The following CLIP1 variants were observed in gnomAD, a reference collection of about 807,000 sequenced individuals.
CLIP1 encodes CAP-Gly domain-containing linker protein 1.
A neutral mutation model predicts 161.6 loss-of-function variants in CLIP1; 66 were observed. That is an observed-to-expected ratio of 0.41 (90% CI 0.33 to 0.50). The LOEUF is 0.50. Ranked by LOEUF, CLIP1 falls within the 20% of genes least tolerant of loss-of-function variation. The pLI, the probability that CLIP1 is intolerant of heterozygous loss-of-function variation, is 0.27. For synonymous variants in CLIP1, 598 were observed against 626.2 expected, an observed-to-expected ratio of 0.96 and a Z score of 0.67; for missense variants, 1,376 against 1,702.0, an observed-to-expected ratio of 0.81 and a Z score of 3.37.
intron 1 of CLIP1, among the ~76,000 whole-genome samples, chr12:122,398,080 A>G (rs1450430137): frequency 6.6e-6 from 1 of 152,160 alleles, no homozygotes; most frequent in African/African-American, 2.4e-5. Flanking sequence ...AACTTTGCTT[A>G]GAGCTTTGAA....
chr12:122,278,553 G>A, intron 23 of CLIP1: 2 of 523,376 alleles, frequency 3.8e-6, no homozygotes, highest in Non-Finnish European at 6.7e-6. Context: ...CCCCCAGTCT[G>A]GATGGCAGCA....
intron 3 of CLIP1, among the ~76,000 whole-genome samples, chr12:122,372,449 G>A (rs1375861774): frequency 6.6e-6 from 1 of 151,652 alleles, no homozygotes; most frequent in Non-Finnish European, 1.5e-5. Context: ...GGGTGTGGTG[G>A]TGGGTGCCTG....
intron 17 of CLIP1, among the ~76,000 whole-genome samples, chr12:122,326,460 G>A (rs527580354): frequency 1.3e-5 from 2 of 152,316 alleles, no homozygotes; most frequent in Admixed American, 1.3e-4. Context: ...CAGGTGGATC[G>A]CTTGCATCCA....
At chr12:122,390,283 T>C (rs11608593) in intron 1 of CLIP1, among the ~76,000 whole-genome samples, 13,738 of 73,824 alleles carry the variant, frequency 0.19, 2,336 homozygotes, top group African/African-American at 0.42. Flanking sequence ...TATATACATA[T>C]ATATATATAT....
intron 1 of CLIP1, among the ~76,000 whole-genome samples, chr12:122,414,693 T>G (rs1956663742): frequency 1.3e-5 from 2 of 151,670 alleles, no homozygotes; most frequent in African/African-American, 4.8e-5. Context: ...CTTGATCTCT[T>G]GACCTTGTGA....
chr12:122,296,583 G>A (rs1252176849), intron 20 of CLIP1, among the ~76,000 whole-genome samples: 2 of 151,904 alleles, frequency 1.3e-5, no homozygotes, highest in Non-Finnish European at 2.9e-5. Flanking sequence ...TATTACAAAT[G>A]TATTATATTT....
At position 122,341,104 on chromosome 12, in the gene CLIP1, C is replaced by A. The variant is rs756053932; in HGVS notation, c.2100G>T (p.Met700Ile). ...KEMEALRAKL[M>I]KVIKEKENSL... Reference sequence around the variant, plus strand: ...TGTTTTCCTTTTCTTTAATAACTTTCATCAGTTTAGCCCTCAAGGCTTCCA... The same window carrying A: ...TGTTTTCCTTTTCTTTAATAACTTTAATCAGTTTAGCCCTCAAGGCTTCCA... The change falls in exon 11 of 26, where the codon ATG becomes ATT. Residue 700 changes from methionine to isoleucine, a missense_variant. Coordinates refer to ENST00000620786, the MANE Select transcript of CLIP1 (RefSeq NM_001247997.2). The A allele has an allele frequency of 1.2e-6, 2 of 1,613,858 alleles. No individual in the cohort carries two copies. The highest frequency in any genetic ancestry group is 2.2e-5 in the South Asian group (2 of 91,042).
chr12:122,300,075 T>C (rs1025454183), intron 20 of CLIP1, among the ~76,000 whole-genome samples: 5 of 152,154 alleles, frequency 3.3e-5, no homozygotes, highest in Non-Finnish European at 7.4e-5. Context: ...CTGGGCATCA[T>C]AGCGAGACCC....
At chr12:122,412,958 A>G (rs533259281) in intron 1 of CLIP1, among the ~76,000 whole-genome samples, 1 of 152,318 alleles carries the variant, frequency 6.6e-6, no homozygotes, top group South Asian at 2.1e-4. Context: ...CAAGCTACGT[A>G]TCCCTTTCAA....
intron 17 of CLIP1, among the ~76,000 whole-genome samples, chr12:122,321,018 T>TTAAATAAATAAATAAA (rs56780235): frequency 4.1e-5 from 6 of 144,982 alleles, no homozygotes; most frequent in African/African-American, 1.3e-4. Context: ...AGACTCTGTC[T>TTAAATAAATAAATAAA]TAAATAAATA....
intron 1 of CLIP1, among the ~76,000 whole-genome samples, chr12:122,390,120 T>C (rs1955530841): frequency 6.9e-6 from 1 of 144,786 alleles, no homozygotes; most frequent in Non-Finnish European, 1.5e-5. Flanking sequence ...CTCTCCAGGC[T>C]GCACAACTGT....
rs1192122398 is a variant in CLIP1, at chr12:122,296,923, C to T, written c.3595-8382G>A. 1.5e-4 allele frequency among the ~76,000 whole-genome samples: 22 copies of T among 147,446 alleles called. No homozygotes were observed. In the Admixed American group the frequency reaches 1.5e-3, roughly 10 times the overall value. Reference sequence around the variant, plus strand: ...AAGGTAGAGAGGATGAATGGGAGTACAGCGTAGACGAGTGGCCAAGAGTTA... The same window carrying T: ...AAGGTAGAGAGGATGAATGGGAGTATAGCGTAGACGAGTGGCCAAGAGTTA... On this transcript the variant is annotated intron_variant, in intron 20 of 25. Transcript: ENST00000620786.
At chr12:122,278,683 G>A (rs1317000640) in intron 23 of CLIP1, 109 bp downstream of exon 23, 5 of 1,171,556 alleles carry the variant, frequency 4.3e-6, no homozygotes, top group Non-Finnish European at 4.8e-6. Flanking sequence ...GCTAAGGAGA[G>A]TCAGGGTCAG....
intron 4 of CLIP1, among the ~76,000 whole-genome samples, chr12:122,361,913 C>T (rs939559718): frequency 6.6e-6 from 1 of 152,072 alleles, no homozygotes; most frequent in Non-Finnish European, 1.5e-5. Flanking sequence ...TATAACCAAA[C>T]ACCATCTGTT....
At chr12:122,366,998 C>T (rs940376615) in intron 3 of CLIP1, among the ~76,000 whole-genome samples, 1 of 152,160 alleles carries the variant, frequency 6.6e-6, no homozygotes. Context: ...CCACACCACA[C>T]CATTCAGAGC....
At chr12:122,365,155 C>G in intron 3 of CLIP1, 3 of 416,292 alleles carry the variant, frequency 7.2e-6, no homozygotes, top group Non-Finnish European at 1.3e-5. Context: ...TTAATGGGTG[C>G]AGCACACCAG....
At chr12:122,383,447 A>G (rs1254111533) in intron 1 of CLIP1, among the ~76,000 whole-genome samples, 1 of 152,194 alleles carries the variant, frequency 6.6e-6, no homozygotes, top group East Asian at 1.9e-4. Context: ...ACACAGAAGC[A>G]TGTGGTTATT....
At chr12:122,337,572 A>C (rs528419912) in intron 11 of CLIP1, among the ~76,000 whole-genome samples, 49 of 152,274 alleles carry the variant, frequency 3.2e-4, no homozygotes, top group African/African-American at 1.2e-3. Flanking sequence ...TAGAGGCATG[A>C]GCCACTGTGC....
intron 19 of CLIP1, among the ~76,000 whole-genome samples, chr12:122,316,358 C>T (rs1447847187): frequency 6.6e-6 from 1 of 152,140 alleles, no homozygotes; most frequent in South Asian, 2.1e-4. Context: ...AATAGGCACA[C>T]ACCACCATAC....
Sources: gnomAD v4.1 joint callset for allele counts (sites outside exome capture counted in the v4.1 genomes callset) on GRCh38, gnomAD v4.1.1 for gene constraint, MANE v1.5 for transcripts, NCBI Gene and HGNC (gene_info 2026-07-23, HGNC 2026-07-21) for gene names.